Variants in RTL4 observed in about 807,000 individuals in gnomAD.
The protein encoded by RTL4 is retrotransposon Gag like 4, also known as retrotransposon Gag-like protein 4.
In RTL4, 4 loss-of-function variants were observed where a neutral mutation model predicts 5.3. The observed-to-expected ratio is 0.75, with a 90% CI of 0.37 to 1.72. The LOEUF (loss-of-function observed/expected upper bound fraction) is 1.72. Among genes scored for constraint, RTL4 ranks in the 40% most tolerant of loss-of-function variants. The pLI is 0.04. For synonymous variants in RTL4, 98 were observed against 87.3 expected (o/e 1.12, Z -0.68); for missense variants, 260 against 227.1 (o/e 1.14, Z -0.93).
the RTL4 span, among the ~76,000 whole-genome samples, chrX:112,317,046 G>A: frequency 9.0e-6 from 1 of 111,706 alleles, no homozygotes; most frequent in South Asian, 3.8e-4. Context: ...TTTTGCGGAC[G>A]GTGGGAGGGA....
the RTL4 span, among the ~76,000 whole-genome samples, chrX:112,396,559 A>G: frequency 9.0e-6 from 1 of 111,165 alleles, no homozygotes; most frequent in Admixed American, 9.6e-5. Context: ...TTTTAGACAT[A>G]CGGAAAAATT....
the RTL4 span, among the ~76,000 whole-genome samples, chrX:112,262,520 C>T: frequency 8.9e-5 from 10 of 111,838 alleles, no homozygotes; most frequent in East Asian, 1.4e-3. Context: ...GTTACAATGG[C>T]GATTATTAAA....
At chrX:112,455,139 T>C in exon 1 of RTL4, 2 of 1,211,968 alleles carry the variant, frequency 1.7e-6, no homozygotes, top group East Asian at 3.0e-5. Flanking sequence ...AGTCATTTGG[T>C]AAACCCACAA....
At chrX:112,343,678 G>A in the RTL4 span, among the ~76,000 whole-genome samples, 1 of 111,879 alleles carries the variant, frequency 8.9e-6, no homozygotes, top group African/African-American at 3.2e-5. Context: ...AAATGAAGCA[G>A]CAGCCCAGGA....
chrX:112,228,984 A>T, the RTL4 span, among the ~76,000 whole-genome samples: 4 of 111,955 alleles, frequency 3.6e-5, no homozygotes, highest in Admixed American at 2.8e-4. Flanking sequence ...AGACGTCAAA[A>T]CCTATATGAG....
chrX:112,329,011 G>A, the RTL4 span, among the ~76,000 whole-genome samples: 6 of 111,690 alleles, frequency 5.4e-5, no homozygotes, highest in African/African-American at 2.0e-4. Context: ...TCAAAGCAGT[G>A]TGTAGAGGAA....
chrX:112,431,044 A>G, the RTL4 span, among the ~76,000 whole-genome samples: 16 of 111,932 alleles, frequency 1.4e-4, no homozygotes, highest in African/African-American at 5.2e-4. Context: ...CAGCCCTTTA[A>G]TAAGCATATG....
At chrX:112,109,624 G>A in the RTL4 span, among the ~76,000 whole-genome samples, 2 of 111,461 alleles carry the variant, frequency 1.8e-5, no homozygotes, top group Non-Finnish European at 3.8e-5. Context: ...AGCTACAGAG[G>A]GCTGGTTGGT....
At chrX:112,348,491 A>AAC in the RTL4 span, among the ~76,000 whole-genome samples, 8 of 108,650 alleles carry the variant, frequency 7.4e-5, no homozygotes, top group East Asian at 2.9e-4. Context: ...GACAATTAAA[A>AAC]ACACACACAC....
the RTL4 span, among the ~76,000 whole-genome samples, chrX:112,161,889 T>TTTCTTTCTTTC: frequency 1.2e-5 from 1 of 85,139 alleles, no homozygotes; most frequent in African/African-American, 4.5e-5. Flanking sequence ...TTCTTCTTTC[T>TTTCTTTCTTTC]TTCTTCTTTT....
At chrX:112,173,580 G>T in the RTL4 span, among the ~76,000 whole-genome samples, 2 of 111,224 alleles carry the variant, frequency 1.8e-5, no homozygotes, top group African/African-American at 6.5e-5. Flanking sequence ...GCAGGGTTCT[G>T]GTGGTGGAGC....
the RTL4 span, among the ~76,000 whole-genome samples, chrX:112,167,450 A>G: frequency 3.6e-5 from 4 of 111,408 alleles, no homozygotes; most frequent in South Asian, 3.8e-4. Context: ...GAAGCTAAAT[A>G]CTTTGACCTT....
At chrX:112,087,227 C>T in the RTL4 span, among the ~76,000 whole-genome samples, 1 of 110,582 alleles carries the variant, frequency 9.0e-6, no homozygotes, top group South Asian at 3.9e-4. Context: ...CTTTGCCTGC[C>T]CCCTCCCCAG....
chrX:112,234,963 G>T, the RTL4 span, among the ~76,000 whole-genome samples: 1 of 111,079 alleles, frequency 9.0e-6, no homozygotes, highest in Non-Finnish European at 1.9e-5. Flanking sequence ...CAAGTGGGAG[G>T]GTAGATTTGG....
the RTL4 span, among the ~76,000 whole-genome samples, chrX:112,271,064 A>C: frequency 1.2e-4 from 13 of 109,165 alleles, no homozygotes; most frequent in South Asian, 3.9e-3. Flanking sequence ...AAAAAAAAAA[A>C]AAAAAAACCC....
At chrX:112,333,251 G>A in the RTL4 span, among the ~76,000 whole-genome samples, 3 of 111,023 alleles carry the variant, frequency 2.7e-5, no homozygotes, top group Non-Finnish European at 5.7e-5. Context: ...GGGAGACGTA[G>A]GTCAAAGGGT....
chrX:112,375,560 G>A, the RTL4 span, among the ~76,000 whole-genome samples: 3 of 111,141 alleles, frequency 2.7e-5, no homozygotes, highest in Non-Finnish European at 5.7e-5. Flanking sequence ...GTCTCTGTTA[G>A]CACTAAACTT....
the RTL4 span, among the ~76,000 whole-genome samples, chrX:112,090,448 C>T: frequency 9.0e-6 from 1 of 111,123 alleles, no homozygotes; most frequent in Non-Finnish European, 1.9e-5. Flanking sequence ...GTGGTTTAAT[C>T]ATAAAAGGGT....
At chrX:112,379,073 G>A in the RTL4 span, among the ~76,000 whole-genome samples, 1 of 112,529 alleles carries the variant, frequency 8.9e-6, no homozygotes, top group Non-Finnish European at 1.9e-5. Context: ...CACATGTATT[G>A]CATAGACTAT....
Sources: gnomAD v4.1 joint callset for allele counts (sites outside exome capture counted in the v4.1 genomes callset) on GRCh38, gnomAD v4.1.1 for gene constraint, MANE v1.5 for transcripts, NCBI Gene and HGNC (gene_info 2026-07-23, HGNC 2026-07-21) for gene names.